The following RGS10 variants were observed in gnomAD, a reference collection of about 807,000 sequenced individuals.
The protein encoded by RGS10 is regulator of G protein signaling 10.
In RGS10, 11 loss-of-function variants were observed where a neutral mutation model predicts 23.5. That is an observed-to-expected ratio of 0.47 (90% CI 0.29 to 0.77). The LOEUF is 0.77. RGS10 is among the 30% of genes least tolerant of loss of function. The pLI, the probability that RGS10 is intolerant of heterozygous loss-of-function variation, is 0.08. For synonymous variants in RGS10, 77 were observed against 83.2 expected (o/e 0.92, Z 0.41); for missense variants, 180 against 226.3 (o/e 0.80, Z 1.31).
At chr10:119,505,719 C>T (rs774567979) in intron 4 of RGS10, among the ~76,000 whole-genome samples, 1 of 152,194 alleles carries the variant, frequency 6.6e-6, no homozygotes, top group Non-Finnish European at 1.5e-5. Context: ...TGTGCAGAAA[C>T]GAGGACCTCA....
In RGS10 at chr10:119,542,624, G is replaced by A; in HGVS notation, c.15C>T (p.Ala5=). Residue 5 remains alanine, a synonymous_variant, in exon 1 of 5, where the codon GCC becomes GCT. Transcript: ENST00000369103. The stretch of plus-strand genomic sequence containing the variant: ...GCCGCTTCCTGCTCAGCCGGCTCAC[G>A]GCGCGGTTGAACATCGCCGCGGGCG... MFNR[A]VSRLSRKRPP... 1 of 1,422,370 alleles carries A rather than the reference G, an allele frequency of 7.0e-7. No individual in the cohort carries two copies. Among genetic ancestry groups the A allele is most frequent in the Non-Finnish European group, 9.2e-7 (1 of 1,084,824 alleles). 88.1% of individuals were successfully genotyped at this position (1,422,370 alleles called of 1,614,324 possible).
chr10:119,530,571 C>A (rs759988405), intron 1 of RGS10, among the ~76,000 whole-genome samples: 3 of 152,002 alleles, frequency 2.0e-5, no homozygotes, highest in Non-Finnish European at 4.4e-5. Context: ...ACACCTATAA[C>A]CCCAGCACTT....
chr10:119,507,327 G>C (rs568047975), intron 4 of RGS10, among the ~76,000 whole-genome samples: 2 of 152,270 alleles, frequency 1.3e-5, no homozygotes, highest in South Asian at 4.1e-4. Context: ...CCAAGGTCCT[G>C]TTTGGAGAAA....
chr10:119,537,382 C>A (rs866081495), intron 1 of RGS10, among the ~76,000 whole-genome samples: 187 of 131,268 alleles, frequency 1.4e-3, no homozygotes, highest in Non-Finnish European at 1.5e-3. Flanking sequence ...AACTCCGTCT[C>A]AAAAAAAAAA....
At chr10:119,532,917 G>A (rs996494957) in intron 1 of RGS10, among the ~76,000 whole-genome samples, 1 of 151,850 alleles carries the variant, frequency 6.6e-6, no homozygotes, top group Admixed American at 6.6e-5. Flanking sequence ...GTATGGGCCT[G>A]TAGGCCCAGC....
chr10:119,521,098 G>A (rs1328543977), intron 3 of RGS10, among the ~76,000 whole-genome samples: 1 of 152,110 alleles, frequency 6.6e-6, no homozygotes, highest in African/African-American at 2.4e-5. Context: ...TGACCAGGTG[G>A]AGTGGCTCAC....
chr10:119,523,471 C>T (rs1844241037), intron 3 of RGS10, among the ~76,000 whole-genome samples: 1 of 151,900 alleles, frequency 6.6e-6, no homozygotes, highest in African/African-American at 2.4e-5. Flanking sequence ...TCTAGACCAG[C>T]CTGGCAAACA....
intron 4 of RGS10, among the ~76,000 whole-genome samples, chr10:119,513,071 A>G (rs887549494): frequency 6.6e-6 from 1 of 152,250 alleles, no homozygotes; most frequent in East Asian, 1.9e-4. Context: ...CAATTATGCA[A>G]TAAAGAAATG....
Position 119,542,677 on chromosome 10 carries a change from C to G in RGS10, c.-39G>C, listed in dbSNP as rs1044825573. 7.5e-7 allele frequency: 1 copy of G among 1,333,348 alleles called. No homozygotes were observed. The highest frequency in any genetic ancestry group is 1.5e-5 in the African/African-American group (1 of 65,254). 82.6% of individuals were successfully genotyped at this position (1,333,348 alleles called of 1,614,324 possible). ...CGAGGAGGAAGAAGGAGCAGCCCGGCGGCGCGGCGGCTGAGCCGGAGGAAG... is the reference window on the plus strand; with the variant it reads ...CGAGGAGGAAGAAGGAGCAGCCCGGGGGCGCGGCGGCTGAGCCGGAGGAAG... On this transcript the variant is annotated 5_prime_UTR_variant, in exon 1 of 5. Coordinates refer to ENST00000369103, the MANE Select transcript of RGS10 (RefSeq NM_001005339.2).
At chr10:119,522,170 C>T (rs1003007248) in intron 3 of RGS10, among the ~76,000 whole-genome samples, 2 of 152,178 alleles carry the variant, frequency 1.3e-5, no homozygotes, top group South Asian at 2.1e-4. Context: ...TCCCAGATTC[C>T]AGAAGACAAA....
At position 119,527,185 on chromosome 10, in the gene RGS10, C is replaced by A. The variant is rs934170295; in HGVS notation, c.168+121G>T. 2 of 676,986 alleles carry A rather than the reference C, an allele frequency of 3.0e-6. No homozygotes were observed. The highest frequency in any genetic ancestry group is 1.8e-5 in the African/African-American group (1 of 55,644). The allele number at this position is 676,986 out of a possible 1,614,324, so 41.9% of individuals were successfully genotyped here. A position where few individuals can be genotyped will look rare whatever the true frequency, so the allele number is the denominator to read the frequency against. ...GCTGGGATAGACAGTACTGAACTCTCAAGCTGGCATAGAGAGTGCTACGCT... is the reference window on the plus strand; with the variant it reads ...GCTGGGATAGACAGTACTGAACTCTAAAGCTGGCATAGAGAGTGCTACGCT... On this transcript the variant is annotated intron_variant, in intron 2 of 4. Coordinates refer to ENST00000369103, the MANE Select transcript of RGS10 (RefSeq NM_001005339.2). This position sits in a 1 kb window ranked among gnomAD's most constrained non-coding sequence, Gnocchi z 4.2.
At chr10:119,537,292 G>A (rs910933213) in intron 1 of RGS10, among the ~76,000 whole-genome samples, 1 of 150,480 alleles carries the variant, frequency 6.6e-6, no homozygotes, top group African/African-American at 2.4e-5. Flanking sequence ...TGAGGCAGGA[G>A]AATGGCTTGA....
intron 3 of RGS10, among the ~76,000 whole-genome samples, chr10:119,522,881 C>CT (rs35536168): frequency 0.35 from 51,766 of 147,656 alleles, 10,784 homozygotes; most frequent in Non-Finnish European, 0.47. Flanking sequence ...GCTCTGAATT[C>CT]TTTTTTTTTT....
At chr10:119,525,665 T>C (rs1844265923) in intron 3 of RGS10, among the ~76,000 whole-genome samples, 1 of 152,230 alleles carries the variant, frequency 6.6e-6, no homozygotes, top group African/African-American at 2.4e-5. Flanking sequence ...ATGCACCTTG[T>C]GCTTTTATCA....
intron 1 of RGS10, among the ~76,000 whole-genome samples, chr10:119,535,270 A>G (rs1844375528): frequency 9.0e-6 from 1 of 110,540 alleles, no homozygotes; most frequent in African/African-American, 2.8e-5. Flanking sequence ...CAATCCATGC[A>G]GAAAAAAAAA....
intron 4 of RGS10, among the ~76,000 whole-genome samples, chr10:119,512,147 A>G (rs1474372203): frequency 6.6e-6 from 1 of 151,296 alleles, no homozygotes; most frequent in Non-Finnish European, 1.5e-5. Flanking sequence ...TGAGGGGCTA[A>G]GTTCGGGGGC....
At chr10:119,513,124 G>A (rs150493792) in intron 4 of RGS10, among the ~76,000 whole-genome samples, 21 of 152,274 alleles carry the variant, frequency 1.4e-4, no homozygotes, top group African/African-American at 4.8e-4. Context: ...CTTTTGCTGA[G>A]CATGTGTGAT....
At chr10:119,512,705 G>A (rs1844092800) in intron 4 of RGS10, among the ~76,000 whole-genome samples, 1 of 152,020 alleles carries the variant, frequency 6.6e-6, no homozygotes, top group African/African-American at 2.4e-5. Context: ...CCACCACCAC[G>A]CCTGGCTAAT....
intron 4 of RGS10, among the ~76,000 whole-genome samples, chr10:119,510,993 CAGG>C (rs1332278492): frequency 1.3e-5 from 2 of 152,156 alleles, no homozygotes; most frequent in Non-Finnish European, 2.9e-5. Context: ...GCTGGGATTA[CAGG>C]TGTGAGCCAC....
Sources: gnomAD v4.1 joint callset for allele counts (sites outside exome capture counted in the v4.1 genomes callset) on GRCh38, gnomAD v4.1.1 for gene constraint, Gnocchi (gnomAD v3.1) non-coding constraint, MANE v1.5 for transcripts, NCBI Gene and HGNC (gene_info 2026-07-23, HGNC 2026-07-21) for gene names.